JHY: variants seen among roughly 807,000 people sequenced by gnomAD.
The protein encoded by JHY is junctional cadherin complex regulator.
A neutral mutation model predicts 78.0 loss-of-function variants in JHY; 69 were observed. That is an observed-to-expected ratio of 0.88 (90% CI 0.73 to 1.08). JHY has a LOEUF of 1.08. Among genes scored for constraint, JHY ranks in the 50% least tolerant of loss-of-function variants. JHY has a pLI of 0.00. For synonymous variants in JHY, 368 were observed against 342.6 expected, an observed-to-expected ratio of 1.07 and a Z score of -0.82; for missense variants, 944 against 927.8, an observed-to-expected ratio of 1.02 and a Z score of -0.23.
intron 3 of JHY, chr11:122,905,198 A>G (rs748618816): frequency 1.9e-6 from 3 of 1,614,122 alleles, no homozygotes; most frequent in Non-Finnish European, 2.5e-6. Flanking sequence ...ATTCTCTCCC[A>G]CGTGATGGAT....
chr11:122,953,207 C>T (rs1217779812), intron 6 of JHY, among the ~76,000 whole-genome samples: 7 of 152,078 alleles, frequency 4.6e-5, no homozygotes, highest in Admixed American at 2.0e-4. Context: ...GCTAAACAGT[C>T]CAACAAAACT....
intron 3 of JHY, among the ~76,000 whole-genome samples, chr11:122,914,826 C>T (rs1250769561): frequency 6.6e-6 from 1 of 152,034 alleles, no homozygotes; most frequent in African/African-American, 2.4e-5. Context: ...AGATGTTCAT[C>T]GATTGATACA....
At chr11:122,949,835 C>T (rs1481096725) in intron 6 of JHY, among the ~76,000 whole-genome samples, 5 of 126,602 alleles carry the variant, frequency 3.9e-5, no homozygotes, top group Non-Finnish European at 8.7e-5. Flanking sequence ...TCTTTTCTTT[C>T]TTTTCTTTTT....
At chr11:122,925,940 C>G (rs976676981) in intron 4 of JHY, among the ~76,000 whole-genome samples, 2 of 151,802 alleles carry the variant, frequency 1.3e-5, no homozygotes, top group African/African-American at 4.8e-5. Context: ...TCACTTGAAC[C>G]TGGAAGGCGA....
chr11:122,955,665 A>G (rs897918223), intron 6 of JHY, among the ~76,000 whole-genome samples: 1 of 152,190 alleles, frequency 6.6e-6, no homozygotes, highest in Non-Finnish European at 1.5e-5. Flanking sequence ...AATGAACAAT[A>G]TGAGTTTCTT....
rs1479186861 is a variant in JHY, at chr11:122,957,462, C to CA, written c.2114dup (p.Lys706GlufsTer14). Reference sequence around the variant, plus strand: ...ATCAAAACCACAAACAGAAAAAACTCAAAAGAAATCTGCTATCCCTCGGCA... The same window carrying CA: ...ATCAAAACCACAAACAGAAAAAACTCAAAAAGAAATCTGCTATCCCTCGGCA... On this transcript the variant is annotated frameshift_variant, in exon 8 of 9. Coordinates refer to ENST00000227349, the MANE Select transcript of JHY (RefSeq NM_024806.4). LOFTEE classifies it low-confidence loss of function (END_TRUNC). The CA allele has an allele frequency of 6.6e-7, 1 of 1,505,146 alleles. No individual in the cohort carries two copies. The highest frequency in any genetic ancestry group is 1.5e-5 in the African/African-American group (1 of 67,638). 93.2% of individuals were successfully genotyped at this position (1,505,146 alleles called of 1,614,324 possible).
intron 5 of JHY, among the ~76,000 whole-genome samples, chr11:122,936,309 C>G (rs1863755131): frequency 6.6e-6 from 1 of 152,044 alleles, no homozygotes; most frequent in South Asian, 2.1e-4. Flanking sequence ...CAATTACTCC[C>G]TCGTGAGTTG....
chr11:122,904,342 T>C lies in JHY; in HGVS notation c.762T>C (p.His254=). The C allele has an allele frequency of 6.2e-7, 1 of 1,614,004 alleles. No individual in the cohort carries two copies. The highest frequency in any genetic ancestry group is 8.5e-7 in the Non-Finnish European group (1 of 1,180,010). ...RGPRRRKSKQ[H]FVEKNKLTLG... ...CTCGGCGAAGGAAATCCAAACAACATTTTGTGGAAAAAAACAAGCTCACTT... is the reference window on the plus strand; with the variant it reads ...CTCGGCGAAGGAAATCCAAACAACACTTTGTGGAAAAAAACAAGCTCACTT... The change falls in exon 3 of 9, where the codon CAT becomes CAC. Residue 254 remains histidine, a synonymous_variant. Transcript: ENST00000227349.
chr11:122,905,965 AG>A (rs2135311304), intron 3 of JHY: 1 of 152,302 alleles, frequency 6.6e-6, no homozygotes, highest in South Asian at 2.1e-4. Flanking sequence ...ATTCAAAAAA[AG>A]AATTATGTCA....
intron 3 of JHY, among the ~76,000 whole-genome samples, chr11:122,913,455 G>T (rs12802791): frequency 0.051 from 7,732 of 152,132 alleles, 241 homozygotes; most frequent in Middle Eastern, 0.065. Context: ...TGAGTGGTAC[G>T]AAAGGCCCTT....
chr11:122,944,228 A>G (rs569662066), intron 5 of JHY, among the ~76,000 whole-genome samples: 2 of 152,134 alleles, frequency 1.3e-5, no homozygotes, highest in African/African-American at 4.8e-5. Context: ...AGCTACTTAC[A>G]TTTATTGTGG....
intron 3 of JHY, among the ~76,000 whole-genome samples, chr11:122,913,088 C>T (rs763544740): frequency 2.0e-5 from 3 of 152,036 alleles, no homozygotes; most frequent in African/African-American, 7.2e-5. Context: ...AAAACAATAA[C>T]GTTCACACGC....
intron 4 of JHY, among the ~76,000 whole-genome samples, chr11:122,928,500 A>G (rs1863561186): frequency 6.6e-6 from 1 of 151,810 alleles, no homozygotes; most frequent in Non-Finnish European, 1.5e-5. Context: ...TTTATTGAGT[A>G]TCTACTGCAT....
At position 122,905,084 on chromosome 11, in the gene JHY, T is replaced by G; in HGVS notation, c.864+640T>G. The G allele has an allele frequency of 4.1e-6, 4 of 986,934 alleles. No homozygotes were observed. In the South Asian group the frequency reaches 5.5e-5, roughly 13 times the overall value. 61.1% of individuals were successfully genotyped at this position (986,934 alleles called of 1,614,324 possible). ...TTGAAAATCACATCATTTGTTATTGTCCTGTGTAAATGATATGATATGATT... is the reference window on the plus strand; with the variant it reads ...TTGAAAATCACATCATTTGTTATTGGCCTGTGTAAATGATATGATATGATT... On this transcript the variant is annotated intron_variant, in intron 3 of 8. Transcript: ENST00000227349.
intron 3 of JHY, among the ~76,000 whole-genome samples, chr11:122,906,217 C>A (rs1862988962): frequency 2.6e-5 from 4 of 152,142 alleles, no homozygotes; most frequent in African/African-American, 9.7e-5. Flanking sequence ...GAGTCAGGGT[C>A]TGGCCTTTCA....
At chr11:122,937,982 C>G (rs1328018708) in intron 5 of JHY, among the ~76,000 whole-genome samples, 5 of 151,814 alleles carry the variant, frequency 3.3e-5, no homozygotes, top group Non-Finnish European at 5.9e-5. Context: ...CTGAAGCCAC[C>G]TTATTCCTGA....
In JHY at chr11:122,959,330, C is replaced by A. The variant is rs145723059; in HGVS notation, c.2222C>A (p.Thr741Asn). The change falls in exon 9 of 9, where the codon ACC becomes AAC. Residue 741 changes from threonine to asparagine, a missense_variant. Thr to Asn is a moderately conservative substitution (Grantham distance 65). Coordinates refer to ENST00000227349, the MANE Select transcript of JHY (RefSeq NM_024806.4). ...GCATCAAAGGAACAAAAAAATCCAACCTATGCTGGGAAAGAAGAAAGTTTA... is the reference window on the plus strand; with the variant it reads ...GCATCAAAGGAACAAAAAAATCCAAACTATGCTGGGAAAGAAGAAAGTTTA... ...HQASKEQKNP[T>N]YAGKEESLPE... The A allele has an allele frequency of 1.2e-6, 2 of 1,614,074 alleles. No homozygotes were observed. Among genetic ancestry groups the A allele is most frequent in the Non-Finnish European group, 1.7e-6 (2 of 1,180,002 alleles).
At chr11:122,953,573 G>C (rs1265456284) in intron 6 of JHY, among the ~76,000 whole-genome samples, 1 of 147,542 alleles carries the variant, frequency 6.8e-6, no homozygotes, top group East Asian at 2.0e-4. Flanking sequence ...TTGTACTCCA[G>C]CCTGGATGAC....
chr11:122,952,425 T>C (rs1864108115), intron 6 of JHY, among the ~76,000 whole-genome samples: 1 of 152,198 alleles, frequency 6.6e-6, no homozygotes. Context: ...AGATTTTTCA[T>C]TGCCAGTCAC....
Sources: gnomAD v4.1 joint callset for allele counts (sites outside exome capture counted in the v4.1 genomes callset) on GRCh38, gnomAD v4.1.1 for gene constraint, MANE v1.5 for transcripts, NCBI Gene and HGNC (gene_info 2026-07-23, HGNC 2026-07-21) for gene names.